The following NBAS variants were observed in gnomAD, a reference collection of about 807,000 sequenced individuals.
NBAS encodes NBAS subunit of NRZ tethering complex, also known as NAG/BC035112 fusion.
Under a neutral mutation model 302.5 loss-of-function variants are expected in NBAS, and 219 were observed. The observed-to-expected ratio is 0.72, with a 90% CI of 0.65 to 0.81. The LOEUF (loss-of-function observed/expected upper bound fraction) is 0.81. Among genes scored for constraint, NBAS ranks in the 30% least tolerant of loss-of-function variants. The pLI is 0.00. For missense variants in NBAS, 2,932 were observed against 2,841.6 expected (o/e 1.03, Z -0.72); for synonymous variants, 1,118 against 1,021.6 (o/e 1.09, Z -1.80).
chr2:15,547,691 A>G (rs1375035165), intron 6 of NBAS, among the ~76,000 whole-genome samples: 4 of 152,150 alleles, frequency 2.6e-5, no homozygotes, highest in Admixed American at 2.6e-4. Context: ...CTCCTCAGAA[A>G]CCTATCTTAG....
chr2:14,900,119 T>TTTTTA, the NBAS span, among the ~76,000 whole-genome samples: 1 of 151,824 alleles, frequency 6.6e-6, no homozygotes, highest in African/African-American at 2.4e-5. Context: ...ATGCTTTTTT[T>TTTTTA]TTTTTTTGAC....
intron 45 of NBAS, among the ~76,000 whole-genome samples, chr2:15,236,981 T>A (rs1355183253): frequency 6.6e-6 from 1 of 152,196 alleles, no homozygotes; most frequent in Non-Finnish European, 1.5e-5. Flanking sequence ...ATTTGCTCAT[T>A]ACCTGAAGTC....
chr2:14,937,099 A>T, the NBAS span, among the ~76,000 whole-genome samples: 1 of 152,240 alleles, frequency 6.6e-6, no homozygotes. Flanking sequence ...CAGAAAAAAC[A>T]TAACACAGCA....
intron 40 of NBAS, among the ~76,000 whole-genome samples, chr2:15,296,227 T>C (rs1353273594): frequency 6.6e-6 from 1 of 152,166 alleles, no homozygotes; most frequent in Non-Finnish European, 1.5e-5. Context: ...ACTGAAATCC[T>C]ACAGATGTAT....
intron 21 of NBAS, among the ~76,000 whole-genome samples, chr2:15,446,239 C>T (rs757207424): frequency 1.6e-4 from 25 of 152,034 alleles, no homozygotes; most frequent in Non-Finnish European, 3.2e-4. Context: ...CAAAGAAGAA[C>T]ACACCAAGGC....
At chr2:14,783,921 GT>G in the NBAS span, among the ~76,000 whole-genome samples, 3 of 151,202 alleles carry the variant, frequency 2.0e-5, no homozygotes, top group Non-Finnish European at 4.4e-5. Flanking sequence ...GGTTGAACTA[GT>G]TTACAGTCCC....
chr2:15,282,888 T>C (rs1387359072), intron 42 of NBAS, among the ~76,000 whole-genome samples: 1 of 152,204 alleles, frequency 6.6e-6, no homozygotes, highest in Admixed American at 6.5e-5. Flanking sequence ...CCTTCTTTTC[T>C]GATGGCCTGG....
the NBAS span, among the ~76,000 whole-genome samples, chr2:15,150,998 T>G: frequency 6.6e-6 from 1 of 152,146 alleles, no homozygotes; most frequent in Non-Finnish European, 1.5e-5. Flanking sequence ...AATTCAACGG[T>G]GTGTAGACAA....
At chr2:15,003,901 C>T in the NBAS span, among the ~76,000 whole-genome samples, 4 of 152,314 alleles carry the variant, frequency 2.6e-5, no homozygotes, top group Non-Finnish European at 5.9e-5. Context: ...AAGATAAATG[C>T]AGGACACAGT....
chr2:15,518,204 G>A (rs897794122), intron 9 of NBAS, among the ~76,000 whole-genome samples: 1 of 151,510 alleles, frequency 6.6e-6, no homozygotes, highest in Non-Finnish European at 1.5e-5. Flanking sequence ...ATACTCAAAA[G>A]GAAATTATCA....
At chr2:15,521,885 C>T (rs1352681737) in intron 9 of NBAS, among the ~76,000 whole-genome samples, 1 of 152,174 alleles carries the variant, frequency 6.6e-6, no homozygotes, top group Non-Finnish European at 1.5e-5. Flanking sequence ...TCTGCTTTCA[C>T]ACTACAAGAG....
intron 21 of NBAS, among the ~76,000 whole-genome samples, chr2:15,438,012 C>T (rs920532747): frequency 1.4e-4 from 22 of 152,176 alleles, no homozygotes; most frequent in African/African-American, 4.1e-4. Context: ...CAAACACCTG[C>T]GGCTGACAGT....
chr2:14,956,610 T>G, the NBAS span, among the ~76,000 whole-genome samples: 1 of 152,158 alleles, frequency 6.6e-6, no homozygotes, highest in East Asian at 1.9e-4. Flanking sequence ...CTTACAATCA[T>G]GGCAGAAAAG....
chr2:15,454,470 TATA>T (rs1461076237), intron 21 of NBAS, among the ~76,000 whole-genome samples: 1 of 152,204 alleles, frequency 6.6e-6, no homozygotes, highest in African/African-American at 2.4e-5. Flanking sequence ...TCAGTTCTGC[TATA>T]ATATTTTAAA....
intron 21 of NBAS, among the ~76,000 whole-genome samples, chr2:15,456,320 G>C (rs1311112145): frequency 6.6e-6 from 1 of 152,226 alleles, no homozygotes; most frequent in African/African-American, 2.4e-5. Flanking sequence ...AGTTCTGCCA[G>C]TGGGATCTCA....
the NBAS span, among the ~76,000 whole-genome samples, chr2:14,869,432 C>T: frequency 2.0e-5 from 3 of 152,262 alleles, no homozygotes; most frequent in East Asian, 1.9e-4. Flanking sequence ...ATCGTGGTAC[C>T]GGATTAAACA....
intron 25 of NBAS, among the ~76,000 whole-genome samples, chr2:15,413,559 A>AGT (rs1676783162): frequency 6.6e-6 from 1 of 152,214 alleles, no homozygotes; most frequent in African/African-American, 2.4e-5. Context: ...CAAACAAAGG[A>AGT]AACAGTCTGT....
the NBAS span, among the ~76,000 whole-genome samples, chr2:15,054,047 T>G: frequency 6.6e-6 from 1 of 152,166 alleles, no homozygotes; most frequent in Admixed American, 6.5e-5. Context: ...TGCTTTGTCA[T>G]GGAGGTCAAC....
At chr2:15,380,945 T>C (rs1216898810) in intron 29 of NBAS, among the ~76,000 whole-genome samples, 1 of 152,124 alleles carries the variant, frequency 6.6e-6, no homozygotes, top group Non-Finnish European at 1.5e-5. Flanking sequence ...GTAAGATATC[T>C]GATAAGGATA....
Sources: allele counts gnomAD v4.1 joint callset (sites outside exome capture counted in the v4.1 genomes callset), GRCh38; gene constraint gnomAD v4.1.1; transcripts MANE v1.5; gene names NCBI Gene and HGNC (gene_info 2026-07-23, HGNC 2026-07-21).